The following AGPAT3 variants were observed in gnomAD, a reference collection of about 807,000 sequenced individuals.
The protein encoded by AGPAT3 is 1-acyl-sn-glycerol-3-phosphate acyltransferase gamma.
A neutral mutation model predicts 47.3 loss-of-function variants in AGPAT3; 5 were observed. The observed-to-expected ratio is 0.11, with a 90% CI of 0.06 to 0.22. The LOEUF (loss-of-function observed/expected upper bound fraction) is 0.22, where lower values mean the gene tolerates loss of function less well. AGPAT3 is among the 10% of genes least tolerant of loss of function. The pLI, the probability that AGPAT3 is intolerant of heterozygous loss-of-function variation, is 1.00. For synonymous variants in AGPAT3, 212 were observed against 208.3 expected (o/e 1.02, Z -0.15); for missense variants, 315 against 493.0 (o/e 0.64, Z 3.42).
At chr21:43,949,493 C>T (rs1404643132) in intron 2 of AGPAT3, among the ~76,000 whole-genome samples, 1 of 152,230 alleles carries the variant, frequency 6.6e-6, no homozygotes, top group Non-Finnish European at 1.5e-5. Flanking sequence ...AAGGGAGTGG[C>T]AACGCTCTAA....
chr21:43,946,273 C>G (rs2087884186), intron 2 of AGPAT3, among the ~76,000 whole-genome samples: 1 of 152,194 alleles, frequency 6.6e-6, no homozygotes, highest in African/African-American at 2.4e-5. Context: ...AATTCCACCT[C>G]CTACATAACT....
rs760861867 is a variant in AGPAT3, at chr21:43,959,840, C to T, written c.159C>T (p.Leu53=). ...KQLYRRLNCR[L]AYSLWSQLVM... is the part of the protein sequence containing the mutation. The stretch of plus-strand genomic sequence containing the variant: ...TCTACCGCCGCCTCAACTGCCGCCT[C>T]GCCTACTCACTCTGGAGCCGTGAGT... The change falls in exon 3 of 10, where the codon CTC becomes CTT. Residue 53 remains leucine, a synonymous_variant. Coordinates refer to ENST00000291572, the MANE Select transcript of AGPAT3 (RefSeq NM_020132.5). 30 of 1,609,372 alleles carry T rather than the reference C, an allele frequency of 1.9e-5. No homozygotes were observed. Among genetic ancestry groups the T allele is most frequent in the African/African-American group, 2.7e-5 (2 of 74,900 alleles).
chr21:43,900,813 A>T (rs552272335), intron 1 of AGPAT3, among the ~76,000 whole-genome samples: 49 of 152,298 alleles, frequency 3.2e-4, no homozygotes, highest in African/African-American at 1.2e-3. Context: ...CTCACCAAAC[A>T]GAGCTTACGA....
rs1488037400 is a variant in AGPAT3 at position 43,939,994 on chromosome 21, TG to T, written c.-48-19636del. 2.0e-5 allele frequency among the ~76,000 whole-genome samples: 3 copies of T among 152,250 alleles called. No individual in the cohort carries two copies. Among genetic ancestry groups the T allele is most frequent in the African/African-American group, 7.2e-5 (3 of 41,474 alleles). ...TGTATGTCCTGCTTCAGCGCGCTCC[TG>T]GGGTCCCTTGAGTTGGTCTCTGTGA... On this transcript the variant is annotated intron_variant, in intron 2 of 9. Transcript: ENST00000291572. This position sits in a 1 kb window ranked among gnomAD's most constrained non-coding sequence, Gnocchi z 4.4.
In AGPAT3 at chr21:43,939,918, C is replaced by T. The variant is rs950674000; in HGVS notation, c.-48-19716C>T. On this transcript the variant is annotated intron_variant, in intron 2 of 9. Coordinates refer to ENST00000291572, the MANE Select transcript of AGPAT3 (RefSeq NM_020132.5). The surrounding 1 kb of genome is among the most constrained non-coding windows in gnomAD (Gnocchi z 4.4). ...GCCAAAAGCTGCTTATTGGATTAGCCGGTGCCCCGACGGCAGAGCCCGCAG... is the reference window on the plus strand; with the variant it reads ...GCCAAAAGCTGCTTATTGGATTAGCTGGTGCCCCGACGGCAGAGCCCGCAG... 2.4e-4 allele frequency among the ~76,000 whole-genome samples: 36 copies of T among 152,300 alleles called. No homozygotes were observed. Among genetic ancestry groups the T allele is most frequent in the African/African-American group, 7.9e-4 (33 of 41,558 alleles).
At chr21:43,929,438 G>A (rs918466234) in intron 2 of AGPAT3, among the ~76,000 whole-genome samples, 10 of 152,236 alleles carry the variant, frequency 6.6e-5, no homozygotes, top group African/African-American at 2.2e-4. Context: ...CCCAGAGCGA[G>A]TCAAAGCCAG....
At chr21:43,964,322 T>A (rs1601440241) in intron 3 of AGPAT3, among the ~76,000 whole-genome samples, 1 of 151,968 alleles carries the variant, frequency 6.6e-6, no homozygotes, top group Non-Finnish European at 1.5e-5. Flanking sequence ...GAGGTGGAGG[T>A]TGCAGTGAGG....
rs550116857 is a variant in AGPAT3, at chr21:43,975,237, T to C, written c.768-2809T>C. Among the ~76,000 whole-genome samples, 18 of 86,588 alleles carry C rather than the reference T, an allele frequency of 2.1e-4. No homozygotes were observed. The South Asian group carries it at 6.6e-3, about 32-fold the overall frequency. The allele number at this position is 86,588 out of a possible 152,430, so 56.8% of individuals were successfully genotyped here. On this transcript the variant is annotated intron_variant, in intron 7 of 9. Transcript: ENST00000291572. ...TGTGTGCTGGTGTGTGGTAATGTTT[T>C]GGTGTGTGCTGGTGTGTGGTGTGTT...
At position 43,930,367 on chromosome 21, in the gene AGPAT3, G is replaced by T. The variant is rs1322270366; in HGVS notation, c.-49+26348G>T. Among the ~76,000 whole-genome samples, 3 of 152,204 alleles carry T rather than the reference G, an allele frequency of 2.0e-5. No individual in the cohort carries two copies. The highest frequency in any genetic ancestry group is 4.4e-5 in the Non-Finnish European group (3 of 68,028). ...ATTATTTTCAGAGGCAGTGGAGCTA[G>T]CGGGGCAGAGCTGTGCTGAGCGCTG... On this transcript the variant is annotated intron_variant, in intron 2 of 9. Transcript: ENST00000291572. The surrounding 1 kb of genome is among the most constrained non-coding windows in gnomAD (Gnocchi z 5.0).
chr21:43,907,092 C>T (rs1471929626), intron 2 of AGPAT3, among the ~76,000 whole-genome samples: 2 of 147,806 alleles, frequency 1.4e-5, no homozygotes, highest in African/African-American at 2.5e-5. Flanking sequence ...AGCTCAATGA[C>T]GCGATCTCAG....
chr21:43,906,599 T>C (rs2086502133), intron 2 of AGPAT3, among the ~76,000 whole-genome samples: 1 of 152,024 alleles, frequency 6.6e-6, no homozygotes, highest in Non-Finnish European at 1.5e-5. Flanking sequence ...TTCCTCATGG[T>C]GGCTGTGACC....
At chr21:43,942,022 G>A (rs1007785923) in intron 2 of AGPAT3, among the ~76,000 whole-genome samples, 3 of 152,266 alleles carry the variant, frequency 2.0e-5, no homozygotes, top group Non-Finnish European at 2.9e-5. Context: ...CACCCACAGC[G>A]TTTCCAAGGA....
At chr21:43,892,750 T>C (rs1025698582) in intron 1 of AGPAT3, among the ~76,000 whole-genome samples, 1 of 152,230 alleles carries the variant, frequency 6.6e-6, no homozygotes, top group African/African-American at 2.4e-5. Context: ...GTTGTGAAAG[T>C]CCTAGATGGC....
intron 2 of AGPAT3, among the ~76,000 whole-genome samples, chr21:43,946,112 G>T (rs1412638367): frequency 6.6e-6 from 1 of 152,210 alleles, no homozygotes. Flanking sequence ...CCATTCCCCT[G>T]CAGGCCCTGT....
At chr21:43,915,405 CT>C (rs747494231) in intron 2 of AGPAT3, among the ~76,000 whole-genome samples, 78 of 38,854 alleles carry the variant, frequency 2.0e-3, no homozygotes, top group African/African-American at 7.7e-3. Flanking sequence ...TCTTGATTAG[CT>C]TTTTTTTTTT....
chr21:43,900,925 C>T (rs1473172641), intron 1 of AGPAT3, among the ~76,000 whole-genome samples: 1 of 152,158 alleles, frequency 6.6e-6, no homozygotes, highest in Non-Finnish European at 1.5e-5. Context: ...GCCAAGTTCA[C>T]AGGCACCAAG....
At chr21:43,881,060 A>G (rs1309880217) in intron 1 of AGPAT3, among the ~76,000 whole-genome samples, 1 of 152,208 alleles carries the variant, frequency 6.6e-6, no homozygotes, top group Non-Finnish European at 1.5e-5. Flanking sequence ...GATAGTAATT[A>G]CTAATTGTTT....
chr21:43,938,316 C>CTTT (rs57776186), intron 2 of AGPAT3, among the ~76,000 whole-genome samples: 55 of 70,504 alleles, frequency 7.8e-4, no homozygotes, highest in Non-Finnish European at 1.2e-3. Context: ...ATCTGCAAAT[C>CTTT]TTTTTTTTTT....
At chr21:43,882,372 G>A (rs2085872995) in intron 1 of AGPAT3, among the ~76,000 whole-genome samples, 1 of 152,256 alleles carries the variant, frequency 6.6e-6, no homozygotes, top group Non-Finnish European at 1.5e-5. Context: ...TTTCCATCTG[G>A]AAACTCTTGC....
Sources: gnomAD v4.1 joint callset for allele counts (sites outside exome capture counted in the v4.1 genomes callset) on GRCh38, gnomAD v4.1.1 for gene constraint, Gnocchi (gnomAD v3.1) non-coding constraint, MANE v1.5 for transcripts, NCBI Gene and HGNC (gene_info 2026-07-23, HGNC 2026-07-21) for gene names.